Variants in UNC45B observed in about 807,000 individuals in gnomAD.
The protein encoded by UNC45B is unc-45 myosin chaperone B.
In UNC45B, 78 loss-of-function variants were observed where a neutral mutation model predicts 98.7. That is an observed-to-expected ratio of 0.79 (90% CI 0.66 to 0.95). The LOEUF (loss-of-function observed/expected upper bound fraction) is 0.95, where lower values mean the gene tolerates loss of function less well. UNC45B is among the 40% of genes least tolerant of loss of function. The pLI is 0.00. For missense variants in UNC45B, 1,225 were observed against 1,184.9 expected, an observed-to-expected ratio of 1.03 and a Z score of -0.50; for synonymous variants, 462 against 480.4, an observed-to-expected ratio of 0.96 and a Z score of 0.50.
chr17:35,155,344 A>G lies in UNC45B; in HGVS notation c.688A>G (p.Met230Val), dbSNP rs777072029. The G allele has an allele frequency of 6.2e-7, 1 of 1,614,196 alleles. No homozygotes were observed. Among genetic ancestry groups the G allele is most frequent in the Admixed American group, 1.7e-5 (1 of 60,022 alleles). Reference sequence around the variant, plus strand: ...GCGGATAGACCGAATCTGTAGCCTCATGGCCGTGGAGAATGAGGAGATGTC... The same window carrying G: ...GCGGATAGACCGAATCTGTAGCCTCGTGGCCGTGGAGAATGAGGAGATGTC... ...AVRIDRICSLMAVENEEMSLA... is the reference protein window; with the variant it reads ...AVRIDRICSLVAVENEEMSLA... Residue 230 changes from methionine to valine, a missense_variant, in exon 7 of 20, where the codon ATG (methionine) becomes GTG (valine). Transcript: ENST00000394570.
intron 18 of UNC45B, among the ~76,000 whole-genome samples, chr17:35,181,796 A>AG (rs1245051744): frequency 2.0e-5 from 3 of 151,516 alleles, no homozygotes; most frequent in Non-Finnish European, 3.0e-5. Context: ...ATCTCAAAAA[A>AG]AAAAAAAAAA....
At chr17:35,156,057 T>C (rs1160683931) in intron 7 of UNC45B, among the ~76,000 whole-genome samples, 2 of 152,088 alleles carry the variant, frequency 1.3e-5, no homozygotes, top group African/African-American at 4.8e-5. Flanking sequence ...ACAACGTCAA[T>C]GAACATTAGG....
chr17:35,150,164 C>T lies in UNC45B; in HGVS notation c.322C>T (p.Pro108Ser), dbSNP rs1209549126. Residue 108 changes from proline (P) to serine (S), a missense_variant, in exon 4 of 20, where the codon CCA (proline) becomes TCA (serine). Coordinates refer to ENST00000394570, the MANE Select transcript of UNC45B (RefSeq NM_001267052.2). ...CGTGCAGCGTTGTGCCACCCTCGAG[C>T]CACGGAACCAGAACTTCCAGGAGAT... ...KDVQRCATLE[P>S]RNQNFQEMLR... 39 of 1,613,642 alleles carry T rather than the reference C, an allele frequency of 2.4e-5. No individual in the cohort carries two copies. The highest frequency in any genetic ancestry group is 3.1e-5 in the Non-Finnish European group (37 of 1,179,744).
intron 19 of UNC45B, among the ~76,000 whole-genome samples, chr17:35,183,942 G>A (rs1345439121): frequency 6.6e-6 from 1 of 152,156 alleles, no homozygotes; most frequent in African/African-American, 2.4e-5. Context: ...GGAGCTTATG[G>A]TTTGGCAAAA....
chr17:35,186,363 G>A lies in UNC45B; in HGVS notation c.2594G>A (p.Arg865Gln), dbSNP rs376511801. 72 of 1,614,016 alleles carry A rather than the reference G, an allele frequency of 4.5e-5. No homozygotes were observed. Among genetic ancestry groups the A allele is most frequent in the Middle Eastern group, 3.3e-4 (2 of 6,082 alleles). ...CACGACCAGCTGTCTGTCCAACACC[G>A]GGGCCTGGTCATTGCCTACAACCTA... The part of the protein sequence containing the change: ...CLHDQLSVQH[R>Q]GLVIAYNLLA... The change falls in exon 20 of 20, where the codon CGG becomes CAG. Residue 865 changes from arginine to glutamine, a missense_variant. Physicochemically the swap from Arg to Gln is conservative, Grantham distance 43 (BLOSUM62 1). Transcript: ENST00000394570.
intron 14 of UNC45B, among the ~76,000 whole-genome samples, chr17:35,174,783 G>A (rs2092215521): frequency 6.6e-6 from 1 of 151,774 alleles, no homozygotes; most frequent in East Asian, 1.9e-4. Flanking sequence ...TGGTGCTACT[G>A]CACTCCAGCC....
chr17:35,150,614 G>A (rs1285267446), intron 4 of UNC45B, among the ~76,000 whole-genome samples: 1 of 152,110 alleles, frequency 6.6e-6, no homozygotes, highest in African/African-American at 2.4e-5. Context: ...GCCGGATGTG[G>A]TGGGGGCGCC....
At position 35,177,091 on chromosome 17, in the gene UNC45B, T is replaced by G; in HGVS notation, c.2100T>G (p.Ala700=). The part of the protein sequence containing the change: ...VKAAHALAKI[A]AVSNPDIAFP... Reference sequence around the variant, plus strand: ...CAGCCCACGCTCTAGCAAAGATCGCTGCTGTCTCCAATCCGGACATTGCTT... The same window carrying G: ...CAGCCCACGCTCTAGCAAAGATCGCGGCTGTCTCCAATCCGGACATTGCTT... The change falls in exon 16 of 20, where the codon GCT becomes GCG. Residue 700 remains alanine, a synonymous_variant. Coordinates refer to ENST00000394570, the MANE Select transcript of UNC45B (RefSeq NM_001267052.2). 1.2e-6 allele frequency: 2 copies of G among 1,614,206 alleles called. No individual in the cohort carries two copies. Among genetic ancestry groups the G allele is most frequent in the Non-Finnish European group, 8.5e-7 (1 of 1,180,038 alleles).
chr17:35,183,606 G>T (rs1334319363), intron 19 of UNC45B, 24 bp downstream of exon 19: 3 of 1,491,768 alleles, frequency 2.0e-6, no homozygotes, highest in Non-Finnish European at 2.7e-6. Flanking sequence ...CTGGGGATAG[G>T]ACGGGCTGGG....
At chr17:35,174,091 A>T in intron 13 of UNC45B, 151 bp from the exon 14 acceptor site, 1 of 1,078,638 alleles carries the variant, frequency 9.3e-7, no homozygotes, top group South Asian at 1.4e-5. Context: ...GATTACAGGC[A>T]TGAGCCACTG....
intron 3 of UNC45B, among the ~76,000 whole-genome samples, chr17:35,149,778 T>A (rs553724272): frequency 1.3e-5 from 2 of 152,290 alleles, no homozygotes; most frequent in South Asian, 4.1e-4. Context: ...ACCGATTGGT[T>A]AAGCCCCTGG....
chr17:35,183,578 A>T lies in UNC45B; in HGVS notation c.2525A>T (p.Gln842Leu). ...AAGAAACTGTGCCTCAAGATGACTCAAGTGGTAAGAGCTGGCCCTGGGGAT... is the reference window on the plus strand; with the variant it reads ...AAGAAACTGTGCCTCAAGATGACTCTAGTGGTAAGAGCTGGCCCTGGGGAT... ...AHKKLCLKMT[Q>L]VTTQWLEILQ... The change falls in exon 19 of 20, where the codon CAA becomes CTA. Residue 842 changes from glutamine (Q) to leucine (L), a missense_variant. Gln to Leu is a moderately radical substitution (Grantham distance 113, BLOSUM62 -2). Coordinates refer to ENST00000394570, the MANE Select transcript of UNC45B (RefSeq NM_001267052.2). The T allele has an allele frequency of 6.4e-7, 1 of 1,556,630 alleles. No homozygotes were observed. Among genetic ancestry groups the T allele is most frequent in the Non-Finnish European group, 8.7e-7 (1 of 1,150,344 alleles).
intron 8 of UNC45B, among the ~76,000 whole-genome samples, chr17:35,163,185 G>A (rs566428053): frequency 1.1e-3 from 175 of 152,362 alleles, no homozygotes; most frequent in Non-Finnish European, 1.8e-3. Context: ...TTGGCACGTA[G>A]TAAGTGCTCA....
intron 9 of UNC45B, among the ~76,000 whole-genome samples, chr17:35,165,976 T>C (rs933297066): frequency 2.8e-5 from 4 of 143,656 alleles, no homozygotes; most frequent in African/African-American, 7.7e-5. Context: ...GCTGGCCAGG[T>C]GTGGTGGCTC....
intron 9 of UNC45B, chr17:35,164,405 C>A: frequency 2.7e-6 from 1 of 371,092 alleles, no homozygotes; most frequent in Non-Finnish European, 4.8e-6. Context: ...AAAATGCTTC[C>A]AAGATGGTGG....
chr17:35,174,849 A>AG, intron 14 of UNC45B, among the ~76,000 whole-genome samples: 1 of 148,446 alleles, frequency 6.7e-6, no homozygotes, highest in East Asian at 2.0e-4. Flanking sequence ...GAAAGAGAGA[A>AG]AGAGAGAGAG....
chr17:35,177,459 C>G, intron 16 of UNC45B, 36 bp from the exon 17 acceptor site: 2 of 1,498,712 alleles, frequency 1.3e-6, no homozygotes, highest in Non-Finnish European at 9.1e-7. Context: ...GGAACAAAGT[C>G]CTCACCTGAC....
chr17:35,185,910 T>C (rs1395420819), intron 19 of UNC45B, among the ~76,000 whole-genome samples: 1 of 152,114 alleles, frequency 6.6e-6, no homozygotes, highest in Admixed American at 6.6e-5. Context: ...AAGAGCTTCA[T>C]TTTGGTTCAC....
chr17:35,149,920 A>G lies in UNC45B; in HGVS notation c.206-128A>G, dbSNP rs932212366. 17 of 1,012,826 alleles carry G rather than the reference A, an allele frequency of 1.7e-5. No homozygotes were observed. In the African/African-American group the frequency reaches 2.8e-4, roughly 17 times the overall value. 62.7% of individuals were successfully genotyped at this position (1,012,826 alleles called of 1,614,324 possible). On this transcript the variant is annotated intron_variant, in intron 3 of 19. Coordinates refer to ENST00000394570, the MANE Select transcript of UNC45B (RefSeq NM_001267052.2). ...GGGAGGTAAGGGCCAGAGAGTCCAC[A>G]TGGATGGATAATCTCCAAGGAAGAC...
Sources: gnomAD v4.1 joint callset for allele counts (sites outside exome capture counted in the v4.1 genomes callset) on GRCh38, gnomAD v4.1.1 for gene constraint, MANE v1.5 for transcripts, NCBI Gene and HGNC (gene_info 2026-07-23, HGNC 2026-07-21) for gene names.